NRG1: variants seen among roughly 807,000 people sequenced by gnomAD.
The protein encoded by NRG1 is pro-neuregulin-1, membrane-bound isoform.
A neutral mutation model predicts 63.8 loss-of-function variants in NRG1; 18 were observed. The ratio of observed to expected loss-of-function variants is 0.28; its 90% CI spans 0.19 to 0.42. NRG1 has a LOEUF of 0.42. Among genes scored for constraint, NRG1 ranks in the 10% least tolerant of loss-of-function variants. The pLI is 1.00. For missense variants in NRG1, 762 were observed against 814.7 expected, an observed-to-expected ratio of 0.94 and a Z score of 0.79; for synonymous variants, 302 against 301.3, an observed-to-expected ratio of 1.00 and a Z score of -0.02.
At chr8:32,514,665 G>A (rs568029498) in intron 1 of NRG1, among the ~76,000 whole-genome samples, 5 of 152,208 alleles carry the variant, frequency 3.3e-5, no homozygotes, top group African/African-American at 1.2e-4. Flanking sequence ...ATTTATGCCA[G>A]TATGTAGGAA....
chr8:32,292,235 C>T (rs1854290026), intron 1 of NRG1, among the ~76,000 whole-genome samples: 1 of 152,104 alleles, frequency 6.6e-6, no homozygotes, highest in Non-Finnish European at 1.5e-5. Context: ...TGAAAATTAG[C>T]CTATTCAATC....
At chr8:31,646,305 G>A (rs1585375058) in intron 1 of NRG1, among the ~76,000 whole-genome samples, 1 of 152,168 alleles carries the variant, frequency 6.6e-6, no homozygotes, top group East Asian at 1.9e-4. Context: ...AGGTAGCAAT[G>A]GTCCAAGGGA....
chr8:32,572,216 T>C (rs35233333), intron 1 of NRG1, among the ~76,000 whole-genome samples: 41,530 of 152,060 alleles, frequency 0.27, 7,259 homozygotes, highest in East Asian at 0.8. Flanking sequence ...CAAAATCTAT[T>C]TTCCTCCATG....
intron 1 of NRG1, among the ~76,000 whole-genome samples, chr8:31,727,980 A>G (rs561931432): frequency 1.3e-5 from 2 of 152,296 alleles, no homozygotes. Context: ...GGACAAAGGG[A>G]TGATTCACGT....
At chr8:31,923,092 T>C (rs1393950) in intron 1 of NRG1, among the ~76,000 whole-genome samples, 218 of 152,236 alleles carry the variant, frequency 1.4e-3, no homozygotes, top group African/African-American at 4.8e-3. Flanking sequence ...AGATCTCAGG[T>C]TTTATTTCAC....
chr8:32,495,379 A>G (rs1013858731), intron 1 of NRG1, among the ~76,000 whole-genome samples: 2 of 152,156 alleles, frequency 1.3e-5, no homozygotes, highest in Non-Finnish European at 2.9e-5. Flanking sequence ...TTCCACCATG[A>G]TTGTGAGGCT....
chr8:32,018,928 G>A (rs1816004780), intron 1 of NRG1, among the ~76,000 whole-genome samples: 2 of 152,314 alleles, frequency 1.3e-5, no homozygotes, highest in East Asian at 1.9e-4. Flanking sequence ...CATTCTAGTG[G>A]ATGTAAGTTG....
At chr8:31,889,476 A>G (rs1279772718) in intron 1 of NRG1, among the ~76,000 whole-genome samples, 9 of 152,232 alleles carry the variant, frequency 5.9e-5, no homozygotes, top group African/African-American at 2.2e-4. Flanking sequence ...ATACTGAGGA[A>G]CATATACTCC....
At chr8:32,714,090 G>A (rs558989239) in intron 5 of NRG1, among the ~76,000 whole-genome samples, 1 of 152,220 alleles carries the variant, frequency 6.6e-6, no homozygotes, top group African/African-American at 2.4e-5. Flanking sequence ...CTCCCAAAGT[G>A]CTGGGATTAC....
At chr8:32,563,508 A>G (rs1836854412) in intron 1 of NRG1, among the ~76,000 whole-genome samples, 1 of 152,212 alleles carries the variant, frequency 6.6e-6, no homozygotes, top group African/African-American at 2.4e-5. Flanking sequence ...TAAATTCTCA[A>G]TAGAAACTGG....
At chr8:32,387,496 G>T (rs572915289) in intron 1 of NRG1, among the ~76,000 whole-genome samples, 3 of 152,296 alleles carry the variant, frequency 2.0e-5, no homozygotes, top group South Asian at 2.1e-4. Flanking sequence ...TCTTTGGGTT[G>T]TGTTGCTGGT....
In NRG1 at chr8:32,760,415, G is replaced by A. The variant is rs1327482614; in HGVS notation, c.1259+9G>A. On this transcript the variant is annotated intron_variant, in intron 11 of 11. Transcript: ENST00000356819. The stretch of plus-strand genomic sequence containing the variant: ...TCTCCTCATAGTGAAAGGTAAAACC[G>A]AAGGGCAAAGCTACTGCAGAGGAGA... 2 of 1,612,704 alleles carry A rather than the reference G, an allele frequency of 1.2e-6. No individual in the cohort carries two copies. The highest frequency in any genetic ancestry group is 8.5e-7 in the Non-Finnish European group (1 of 1,179,822).
At chr8:32,579,598 T>C (rs1197469156) in intron 1 of NRG1, among the ~76,000 whole-genome samples, 1 of 152,188 alleles carries the variant, frequency 6.6e-6, no homozygotes, top group Admixed American at 6.5e-5. Context: ...GAGCTAATTC[T>C]TTTACCTCAC....
chr8:31,796,827 G>GT (rs1192458011), intron 1 of NRG1, among the ~76,000 whole-genome samples: 4 of 151,932 alleles, frequency 2.6e-5, no homozygotes, highest in Middle Eastern at 3.4e-3. Context: ...CCATGGAAAT[G>GT]TTTTTTTTCC....
downstream of NRG1, among the ~76,000 whole-genome samples, chr8:32,770,161 A>G (rs1831687546): frequency 6.6e-6 from 1 of 152,218 alleles, no homozygotes; most frequent in Non-Finnish European, 1.5e-5. Flanking sequence ...TTACCTCTGT[A>G]GATTTAAACA....
chr8:32,057,430 T>A (rs185122263), intron 1 of NRG1, among the ~76,000 whole-genome samples: 1 of 152,302 alleles, frequency 6.6e-6, no homozygotes, highest in African/African-American at 2.4e-5. Flanking sequence ...CCTGGAACGA[T>A]AAACATTTGT....
At chr8:32,077,143 G>A (rs1467872792) in intron 1 of NRG1, among the ~76,000 whole-genome samples, 2 of 152,190 alleles carry the variant, frequency 1.3e-5, no homozygotes, top group Non-Finnish European at 2.9e-5. Context: ...GAGGCAGGTG[G>A]ATCACCAGAG....
chr8:31,780,802 G>A (rs548795323), intron 1 of NRG1, among the ~76,000 whole-genome samples: 2 of 152,132 alleles, frequency 1.3e-5, no homozygotes, highest in Non-Finnish European at 2.9e-5. Flanking sequence ...TGGGAGATGA[G>A]GAACCTTGGT....
intron 1 of NRG1, among the ~76,000 whole-genome samples, chr8:32,005,641 T>C (rs1813658435): frequency 6.6e-6 from 1 of 152,028 alleles, no homozygotes; most frequent in Non-Finnish European, 1.5e-5. Context: ...GCAATTGGTG[T>C]TATGCTTTAG....
Sources: gnomAD v4.1 joint callset for allele counts (sites outside exome capture counted in the v4.1 genomes callset) on GRCh38, gnomAD v4.1.1 for gene constraint, MANE v1.5 for transcripts, NCBI Gene and HGNC (gene_info 2026-07-23, HGNC 2026-07-21) for gene names.